Variants in TRMT11 observed in about 807,000 individuals in gnomAD.
TRMT11 encodes tRNA (guanine(10)-N(2))-methyltransferase TRMT11.
In TRMT11, 53 loss-of-function variants were observed where a neutral mutation model predicts 62.8. The ratio of observed to expected loss-of-function variants is 0.84; its 90% CI spans 0.68 to 1.06. The LOEUF (loss-of-function observed/expected upper bound fraction) is 1.06, where lower values mean the gene tolerates loss of function less well. TRMT11 is among the 50% of genes least tolerant of loss of function. TRMT11 has a pLI of 0.00. For missense variants in TRMT11, 556 were observed against 553.4 expected, an observed-to-expected ratio of 1.00 and a Z score of -0.05; for synonymous variants, 188 against 190.3, an observed-to-expected ratio of 0.99 and a Z score of 0.10.
the TRMT11 span, among the ~76,000 whole-genome samples, chr6:126,252,341 C>T: frequency 2.0e-5 from 3 of 152,208 alleles, no homozygotes; most frequent in South Asian, 2.1e-4. Context: ...TGCCTACATA[C>T]GGCTTCTCCA....
chr6:126,269,263 C>CAAAAAAA, the TRMT11 span, among the ~76,000 whole-genome samples: 119 of 68,830 alleles, frequency 1.7e-3, no homozygotes, highest in African/African-American at 6.6e-3. Flanking sequence ...GACTCCGTCT[C>CAAAAAAA]AAAAAAAAAA....
intron 17 of TRMT11, among the ~76,000 whole-genome samples, chr6:126,105,551 C>T (rs755310221): frequency 3.3e-5 from 5 of 151,094 alleles, no homozygotes; most frequent in East Asian, 1.9e-4. Flanking sequence ...TGTTCGGAGA[C>T]GGAGGCCTCG....
At chr6:126,255,703 C>T in the TRMT11 span, among the ~76,000 whole-genome samples, 1 of 151,944 alleles carries the variant, frequency 6.6e-6, no homozygotes, top group Admixed American at 6.6e-5. Context: ...ACTAATTTTA[C>T]TGGTGGAAGA....
chr6:126,224,365 A>G, the TRMT11 span, among the ~76,000 whole-genome samples: 1 of 152,138 alleles, frequency 6.6e-6, no homozygotes, highest in Admixed American at 6.5e-5. Context: ...ACTGTGGTAT[A>G]AGTTGGGTTC....
chr6:126,258,115 C>T, the TRMT11 span: 334 of 913,722 alleles, frequency 3.7e-4, 2 homozygotes, highest in East Asian at 7.5e-3. Context: ...TCCTGGCAGT[C>T]GGGGAGTTGT....
intron 17 of TRMT11, among the ~76,000 whole-genome samples, chr6:126,106,765 G>C (rs369065993): frequency 4.1e-4 from 63 of 152,044 alleles, no homozygotes; most frequent in African/African-American, 1.5e-3. Context: ...GCTTAGCCCA[G>C]GGCTGGCATA....
intron 21 of TRMT11, among the ~76,000 whole-genome samples, chr6:126,171,622 T>C (rs1338631202): frequency 2.6e-5 from 4 of 152,210 alleles, no homozygotes; most frequent in African/African-American, 9.7e-5. Flanking sequence ...CATAAAACAA[T>C]TTGTCACAAG....
chr6:126,012,835 AG>A lies in TRMT11; in HGVS notation c.991del (p.Glu331LysfsTer15), dbSNP rs759444020. On this transcript the variant is annotated frameshift_variant, in exon 10 of 13. Transcript: ENST00000334379. LOFTEE classifies it high-confidence loss of function. The stretch of plus-strand genomic sequence containing the variant: ...CACAGAAGGAGATACCAAAGGGGAT[AG>A]AAAAATGGGAAAAATGGTAAGTGAA... ...GSQKEIPKGIEKWEKCPESHV... is the reference protein window; with the variant it reads ...GSQKEIPKGIXKWEKCPESHV... 5 of 1,613,780 alleles carry A rather than the reference AG, an allele frequency of 3.1e-6. No homozygotes were observed. Among genetic ancestry groups the A allele is most frequent in the Non-Finnish European group, 4.2e-6 (5 of 1,179,650 alleles).
At chr6:126,235,554 A>C in the TRMT11 span, among the ~76,000 whole-genome samples, 1 of 152,216 alleles carries the variant, frequency 6.6e-6, no homozygotes. Context: ...TTGCAGGGAC[A>C]TGGATGCAGC....
At chr6:126,021,908 A>G (rs921658004) in intron 12 of TRMT11, among the ~76,000 whole-genome samples, 2 of 152,192 alleles carry the variant, frequency 1.3e-5, no homozygotes, top group African/African-American at 4.8e-5. Flanking sequence ...AATTAAATCT[A>G]CAAAAGCTCT....
At chr6:126,153,146 T>G (rs373404246) in intron 21 of TRMT11, among the ~76,000 whole-genome samples, 316 of 152,330 alleles carry the variant, frequency 2.1e-3, no homozygotes, top group Middle Eastern at 0.01. Context: ...CTTGGAAATA[T>G]CATTCCAGGA....
At chr6:126,165,639 G>GC (rs1432641955) in intron 21 of TRMT11, among the ~76,000 whole-genome samples, 1 of 152,202 alleles carries the variant, frequency 6.6e-6, no homozygotes, top group African/African-American at 2.4e-5. Flanking sequence ...TAGGGTTTCT[G>GC]CAGAGAGATC....
chr6:126,171,142 C>G (rs1384531803), intron 21 of TRMT11, among the ~76,000 whole-genome samples: 4 of 152,162 alleles, frequency 2.6e-5, no homozygotes, highest in Admixed American at 2.0e-4. Context: ...TCTACTTAAA[C>G]CCACCAGAAT....
chr6:126,074,577 T>G (rs1245807146), intron 17 of TRMT11, among the ~76,000 whole-genome samples: 1 of 152,184 alleles, frequency 6.6e-6, no homozygotes, highest in Non-Finnish European at 1.5e-5. Flanking sequence ...TTTTTGCTAG[T>G]TAGGCCATGG....
intron 17 of TRMT11, among the ~76,000 whole-genome samples, chr6:126,097,460 G>A (rs1441818299): frequency 1.3e-5 from 2 of 152,102 alleles, no homozygotes; most frequent in Non-Finnish European, 2.9e-5. Context: ...GATGAATAAA[G>A]GGAGCATTTT....
chr6:126,020,210 T>C (rs1795619755), intron 11 of TRMT11, among the ~76,000 whole-genome samples: 1 of 152,236 alleles, frequency 6.6e-6, no homozygotes, highest in African/African-American at 2.4e-5. Context: ...GGAGCAGACC[T>C]TTAAGATTAC....
At chr6:126,085,402 T>C (rs570073586) in intron 17 of TRMT11, among the ~76,000 whole-genome samples, 2 of 152,326 alleles carry the variant, frequency 1.3e-5, no homozygotes, top group East Asian at 1.9e-4. Context: ...TCTAATTTCA[T>C]AGGAGGCCTT....
intron 21 of TRMT11, among the ~76,000 whole-genome samples, chr6:126,126,407 T>C (rs547514521): frequency 5.3e-5 from 8 of 152,294 alleles, no homozygotes; most frequent in African/African-American, 1.4e-4. Context: ...TCAACTAGCT[T>C]TGACCTTCTT....
intron 17 of TRMT11, among the ~76,000 whole-genome samples, chr6:126,082,434 G>T (rs1416263838): frequency 1.3e-5 from 2 of 151,920 alleles, no homozygotes; most frequent in African/African-American, 2.4e-5. Context: ...AATAGCAATG[G>T]ACCATTCACT....
Sources: allele counts gnomAD v4.1 joint callset (sites outside exome capture counted in the v4.1 genomes callset), GRCh38; gene constraint gnomAD v4.1.1; transcripts MANE v1.5; gene names NCBI Gene and HGNC (gene_info 2026-07-23, HGNC 2026-07-21).